Variants in SHISA9 observed in about 807,000 individuals in gnomAD.
SHISA9 encodes the protein shisa family member 9, also known as protein shisa-9.
In SHISA9, 13 loss-of-function variants were observed where a neutral mutation model predicts 38.0. The observed-to-expected ratio is 0.34, with a 90% confidence interval of 0.22 to 0.54. The LOEUF (loss-of-function observed/expected upper bound fraction) is 0.54, where lower values mean the gene tolerates loss of function less well. Ranked by LOEUF, SHISA9 falls within the 20% of genes least tolerant of loss-of-function variation. The pLI, the probability that SHISA9 is intolerant of heterozygous loss-of-function variation, is 0.91. For synonymous variants in SHISA9, 275 were observed against 242.0 expected, an observed-to-expected ratio of 1.14 and a Z score of -1.27; for missense variants, 538 against 575.8, an observed-to-expected ratio of 0.93 and a Z score of 0.67.
chr16:13,051,571 T>C (rs1182936213), intron 2 of SHISA9, among the ~76,000 whole-genome samples: 1 of 152,218 alleles, frequency 6.6e-6, no homozygotes, highest in Non-Finnish European at 1.5e-5. Context: ...ATTTCATTTT[T>C]TACTTCATGG....
the SHISA9 span, among the ~76,000 whole-genome samples, chr16:13,308,817 C>T: frequency 2.4e-4 from 36 of 152,146 alleles, no homozygotes; most frequent in African/African-American, 7.2e-4. Context: ...ATAATTAAAT[C>T]GCCATAAGAT....
At chr16:13,394,364 T>G in the SHISA9 span, among the ~76,000 whole-genome samples, 1 of 152,232 alleles carries the variant, frequency 6.6e-6, no homozygotes, top group Non-Finnish European at 1.5e-5. Flanking sequence ...CTGCCAAAGC[T>G]GACTGATGAA....
the SHISA9 span, among the ~76,000 whole-genome samples, chr16:13,326,566 C>T: frequency 6.6e-6 from 1 of 152,134 alleles, no homozygotes; most frequent in African/African-American, 2.4e-5. Context: ...ACTAAACCTA[C>T]AAAACTTAGC....
At chr16:13,150,559 T>G (rs550769214) in intron 2 of SHISA9, among the ~76,000 whole-genome samples, 2 of 152,204 alleles carry the variant, frequency 1.3e-5, no homozygotes, top group East Asian at 3.9e-4. Flanking sequence ...CTACCCAGAG[T>G]TTATTCTGGG....
chr16:13,250,640 G>A, the SHISA9 span, among the ~76,000 whole-genome samples: 2 of 152,188 alleles, frequency 1.3e-5, no homozygotes, highest in South Asian at 4.2e-4. Context: ...TCTGGGAATG[G>A]CACCCACCAG....
At chr16:13,058,489 C>T (rs1157012271) in intron 2 of SHISA9, among the ~76,000 whole-genome samples, 2 of 152,162 alleles carry the variant, frequency 1.3e-5, no homozygotes, top group East Asian at 3.9e-4. Flanking sequence ...CCCACAACTA[C>T]CATGACTTAC....
chr16:12,916,850 T>C (rs1312433248), intron 2 of SHISA9, 35 bp downstream of exon 2: 1 of 1,546,046 alleles, frequency 6.5e-7, no homozygotes, highest in Non-Finnish European at 8.7e-7. Flanking sequence ...TCCAGTCCCA[T>C]GGGGTGACCT....
At chr16:13,172,689 G>T (rs2050696808) in intron 2 of SHISA9, among the ~76,000 whole-genome samples, 1 of 151,422 alleles carries the variant, frequency 6.6e-6, no homozygotes, top group Non-Finnish European at 1.5e-5. Context: ...AGGCCCATGA[G>T]AGAGTACCAA....
the SHISA9 span, among the ~76,000 whole-genome samples, chr16:13,472,972 G>C: frequency 6.6e-6 from 1 of 152,094 alleles, no homozygotes; most frequent in Non-Finnish European, 1.5e-5. Flanking sequence ...TGCTGGATCA[G>C]TTTTGATTAT....
chr16:13,290,296 G>A, the SHISA9 span, among the ~76,000 whole-genome samples: 2 of 152,232 alleles, frequency 1.3e-5, no homozygotes, highest in East Asian at 3.9e-4. Context: ...TACTATGTTG[G>A]TTTTGGGAAT....
rs115508146 is a variant in SHISA9, at chr16:13,095,816, A to C, written c.692-107578A>C. Among the ~76,000 whole-genome samples, 675 of 152,348 alleles carry C rather than the reference A, an allele frequency of 4.4e-3. 4 individuals carry two copies. The highest frequency in any genetic ancestry group is 0.016 in the African/African-American group (656 of 41,572). ...ACAGCAAGGCAATCAACTCTAGCGCAATGGCTCTCAAACTTGAGCGAGCAT... is the reference window on the plus strand; with the variant it reads ...ACAGCAAGGCAATCAACTCTAGCGCCATGGCTCTCAAACTTGAGCGAGCAT... On this transcript the variant is annotated intron_variant, in intron 2 of 4. Coordinates refer to ENST00000558583, the MANE Select transcript of SHISA9 (RefSeq NM_001145204.3).
chr16:13,186,451 C>A (rs1428902657), intron 2 of SHISA9, among the ~76,000 whole-genome samples: 1 of 151,732 alleles, frequency 6.6e-6, no homozygotes, highest in African/African-American at 2.4e-5. Flanking sequence ...GTGCATGCCA[C>A]CACACCCGGC....
the SHISA9 span, among the ~76,000 whole-genome samples, chr16:13,311,684 A>G: frequency 6.6e-6 from 1 of 152,154 alleles, no homozygotes; most frequent in Non-Finnish European, 1.5e-5. Context: ...TTCGCTTTCA[A>G]ATAAATGGAG....
the SHISA9 span, among the ~76,000 whole-genome samples, chr16:13,357,530 T>C: frequency 6.6e-6 from 1 of 152,110 alleles, no homozygotes; most frequent in Non-Finnish European, 1.5e-5. Flanking sequence ...GACAGGGGAT[T>C]GGTCTCCTAA....
the SHISA9 span, among the ~76,000 whole-genome samples, chr16:13,454,428 C>T: frequency 3.3e-5 from 5 of 152,184 alleles, no homozygotes; most frequent in Non-Finnish European, 1.5e-5. Context: ...CTCTTGTCAA[C>T]GTATTAAATA....
At position 13,238,354 on chromosome 16, in the gene SHISA9, A is replaced by T. The variant is rs1332200198; in HGVS notation, c.*2945A>T. ...ACTAGGGGTGCATAGCCCACACTTC[A>T]GAAAACCCTGGGTTGACTTATCTGT... On this transcript the variant is annotated 3_prime_UTR_variant, in exon 5 of 5. Coordinates refer to ENST00000558583, the MANE Select transcript of SHISA9 (RefSeq NM_001145204.3). 6.6e-6 allele frequency: 1 copy of T among 152,218 alleles called. No individual in the cohort carries two copies. The highest frequency in any genetic ancestry group is 2.4e-5 in the African/African-American group (1 of 41,462). The allele number at this position is 152,218 out of a possible 1,614,324, so 9.4% of individuals were successfully genotyped here.
chr16:13,095,539 C>T lies in SHISA9; in HGVS notation c.692-107855C>T, dbSNP rs1047206106. 5.3e-5 allele frequency among the ~76,000 whole-genome samples: 8 copies of T among 152,330 alleles called. No homozygotes were observed. The East Asian group carries it at 7.7e-4, about 15-fold the overall frequency. On this transcript the variant is annotated intron_variant, in intron 2 of 4. Transcript: ENST00000558583. ...AGTATCCTCCTCAGAACTGTTCTAG[C>T]TCCCATGACTCTTAGAATAATATTT...
intron 2 of SHISA9, among the ~76,000 whole-genome samples, chr16:13,122,332 C>T (rs1299599490): frequency 1.3e-5 from 2 of 152,114 alleles, no homozygotes; most frequent in African/African-American, 4.8e-5. Flanking sequence ...TGCCAAGCCA[C>T]CAACAATTGT....
chr16:13,185,021 G>A (rs1278102011), intron 2 of SHISA9, among the ~76,000 whole-genome samples: 1 of 152,158 alleles, frequency 6.6e-6, no homozygotes, highest in Non-Finnish European at 1.5e-5. Context: ...AAGAGCTGTA[G>A]CATTTTACAT....
Sources: allele counts gnomAD v4.1 joint callset (sites outside exome capture counted in the v4.1 genomes callset), GRCh38; gene constraint gnomAD v4.1.1; transcripts MANE v1.5; gene names NCBI Gene and HGNC (gene_info 2026-07-23, HGNC 2026-07-21).